Variants in SMURF1 observed in about 807,000 individuals in gnomAD.
The protein encoded by SMURF1 is E3 ubiquitin-protein ligase SMURF1.
In SMURF1, 44 loss-of-function variants were observed where a neutral mutation model predicts 98.0. The ratio of observed to expected loss-of-function variants is 0.45; its 90% CI spans 0.35 to 0.58. The LOEUF is 0.58. Ranked by LOEUF, SMURF1 falls within the 20% of genes least tolerant of loss-of-function variation. SMURF1 has a pLI of 0.00. For synonymous variants in SMURF1, 396 were observed against 374.9 expected, an observed-to-expected ratio of 1.06 and a Z score of -0.65; for missense variants, 687 against 938.4, an observed-to-expected ratio of 0.73 and a Z score of 3.50.
intron 1 of SMURF1, among the ~76,000 whole-genome samples, chr7:99,095,740 C>CG (rs1023870669): frequency 5.9e-5 from 9 of 152,174 alleles, no homozygotes; most frequent in African/African-American, 2.2e-4. Context: ...AACTTAGCCA[C>CG]GGGGGCCTGG....
chr7:99,138,534 G>A (rs902134617), intron 1 of SMURF1, among the ~76,000 whole-genome samples: 2 of 152,102 alleles, frequency 1.3e-5, no homozygotes, highest in Non-Finnish European at 2.9e-5. Context: ...ATGTGTGGAA[G>A]AGAAAGAAAA....
rs1562997712 is a variant in SMURF1 at position 99,037,120 on chromosome 7, T to C, written c.1756A>G (p.Asn586Asp). The C allele has an allele frequency of 6.2e-7, 1 of 1,614,178 alleles. No individual in the cohort carries two copies. The highest frequency in any genetic ancestry group is 8.5e-7 in the Non-Finnish European group (1 of 1,180,034). ...AGCAGATGTTGAGGGATGAGCTCAT[T>C]GAACCCCTTCTGCAGAGCTAAGAAC... ...AQFLALQKGF[N>D]ELIPQHLLKP... The change falls in exon 15 of 18, where the codon AAT becomes GAT. Residue 586 changes from asparagine (N) to aspartate (D), a missense_variant. This residue lies in a region of SMURF1 where 272 missense variants were observed against 430.0 expected (regional missense o/e 0.63). Transcript: ENST00000361368.
At chr7:99,092,083 A>G (rs1796826214) in intron 1 of SMURF1, among the ~76,000 whole-genome samples, 1 of 152,124 alleles carries the variant, frequency 6.6e-6, no homozygotes, top group Non-Finnish European at 1.5e-5. Flanking sequence ...AATACTTCCT[A>G]CTTTTCAGGG....
At chr7:99,107,459 A>C (rs1427824146) in intron 1 of SMURF1, among the ~76,000 whole-genome samples, 1 of 152,190 alleles carries the variant, frequency 6.6e-6, no homozygotes, top group Non-Finnish European at 1.5e-5. Flanking sequence ...GTCACCAAAA[A>C]CAAACGAACA....
intron 1 of SMURF1, among the ~76,000 whole-genome samples, chr7:99,121,772 T>G (rs1276294740): frequency 6.6e-6 from 1 of 152,190 alleles, no homozygotes; most frequent in Non-Finnish European, 1.5e-5. Flanking sequence ...GGCGCATTGC[T>G]GAGAGATAAA....
chr7:99,047,627 C>A, intron 10 of SMURF1, 57 bp downstream of exon 10: 1 of 1,565,066 alleles, frequency 6.4e-7, no homozygotes, highest in East Asian at 2.3e-5. Context: ...ATTCCTTTGT[C>A]TGAATTGCCT....
intron 1 of SMURF1, among the ~76,000 whole-genome samples, chr7:99,090,603 T>C (rs997788065): frequency 2.6e-4 from 39 of 152,184 alleles, no homozygotes; most frequent in Non-Finnish European, 2.1e-4. Flanking sequence ...TTCTGAAATA[T>C]TAAATCCCCC....
intron 1 of SMURF1, among the ~76,000 whole-genome samples, chr7:99,063,255 A>AAGATT (rs1796091172): frequency 4.4e-4 from 2 of 4,572 alleles, no homozygotes; most frequent in East Asian, 5.7e-3. Context: ...ATATATATAT[A>AAGATT]TATATATATA....
At chr7:99,125,551 CCCT>C (rs1379854088) in intron 1 of SMURF1, among the ~76,000 whole-genome samples, 1 of 152,190 alleles carries the variant, frequency 6.6e-6, no homozygotes, top group Non-Finnish European at 1.5e-5. Flanking sequence ...CTAATCTATT[CCCT>C]CATTAGGTGT....
chr7:99,103,951 G>A (rs551672797), intron 1 of SMURF1, among the ~76,000 whole-genome samples: 11 of 150,674 alleles, frequency 7.3e-5, no homozygotes, highest in African/African-American at 2.4e-4. Flanking sequence ...AGAATGCAGT[G>A]GTGCGATCTC....
At chr7:99,073,488 GAC>G (rs1337267200) in intron 1 of SMURF1, among the ~76,000 whole-genome samples, 1 of 144,200 alleles carries the variant, frequency 6.9e-6, no homozygotes, top group Non-Finnish European at 1.5e-5. Context: ...AAATCAACCA[GAC>G]ACAGTGGCTC....
At position 99,038,641 on chromosome 7, in the gene SMURF1, G is replaced by T. The variant is rs967036312; in HGVS notation, c.1551-116C>A. The T allele has an allele frequency of 2.4e-6, 3 of 1,258,272 alleles. No homozygotes were observed. In the South Asian group the frequency reaches 4.4e-5, roughly 18 times the overall value. The allele number at this position is 1,258,272 out of a possible 1,614,324, so 77.9% of individuals were successfully genotyped here. A position where few individuals can be genotyped will look rare whatever the true frequency, so the allele number is the denominator to read the frequency against. ...CGGGGCTGCAAGACAGGACAGCCTC[G>T]GGCAGACACAGAACCTGCGTGGGGG... On this transcript the variant is annotated intron_variant, in intron 13 of 17. Transcript: ENST00000361368.
At chr7:99,103,070 T>G (rs1797124704) in intron 1 of SMURF1, among the ~76,000 whole-genome samples, 1 of 152,174 alleles carries the variant, frequency 6.6e-6, no homozygotes, top group South Asian at 2.1e-4. Context: ...CCCAAAGTAC[T>G]GAGATTACAC....
intron 1 of SMURF1, among the ~76,000 whole-genome samples, chr7:99,086,464 A>G (rs978497210): frequency 2.6e-5 from 4 of 152,166 alleles, no homozygotes; most frequent in Non-Finnish European, 5.9e-5. Context: ...TGATGGTGGC[A>G]ATGTAAAATG....
intron 1 of SMURF1, among the ~76,000 whole-genome samples, chr7:99,087,419 T>C (rs750252690): frequency 6.6e-6 from 1 of 152,108 alleles, no homozygotes; most frequent in East Asian, 1.9e-4. Flanking sequence ...CAAGAGTGAT[T>C]TGAAGACTTA....
At chr7:99,067,749 C>A (rs1796228976) in intron 1 of SMURF1, among the ~76,000 whole-genome samples, 1 of 152,178 alleles carries the variant, frequency 6.6e-6, no homozygotes, top group African/African-American at 2.4e-5. Context: ...GCCAGGAGTT[C>A]CAGACCAGGC....
intron 1 of SMURF1, among the ~76,000 whole-genome samples, chr7:99,096,885 A>T (rs1030962226): frequency 2.6e-5 from 4 of 152,224 alleles, no homozygotes; most frequent in Non-Finnish European, 5.9e-5. Context: ...GAACATTTAT[A>T]ATAGAAATCG....
chr7:99,143,009 T>C (rs1798166008), intron 1 of SMURF1, among the ~76,000 whole-genome samples: 1 of 134,120 alleles, frequency 7.5e-6, no homozygotes, highest in Admixed American at 7.4e-5. Flanking sequence ...GGGCCGATGC[T>C]AGGAAAGAAG....
chr7:99,074,611 G>A (rs945307153), intron 1 of SMURF1, among the ~76,000 whole-genome samples: 1 of 151,930 alleles, frequency 6.6e-6, no homozygotes, highest in African/African-American at 2.4e-5. Flanking sequence ...ATACCATTAG[G>A]AAAATGAAAG....
Sources: allele counts gnomAD v4.1 joint callset (sites outside exome capture counted in the v4.1 genomes callset), GRCh38; gene constraint gnomAD v4.1.1; regional missense constraint gnomAD v4.1.1; transcripts MANE v1.5; gene names NCBI Gene and HGNC (gene_info 2026-07-23, HGNC 2026-07-21).